The following CES2 variants were observed in gnomAD, a reference collection of about 807,000 sequenced individuals.
CES2 encodes carboxylesterase 2, also known as cocaine esterase.
A neutral mutation model predicts 52.1 loss-of-function variants in CES2; 42 were observed. The ratio of observed to expected loss-of-function variants is 0.81; its 90% CI spans 0.63 to 1.04. The LOEUF (loss-of-function observed/expected upper bound fraction) is 1.04. CES2 is among the 50% of genes least tolerant of loss of function. The pLI is 0.00. For missense variants in CES2, 656 were observed against 724.3 expected, an observed-to-expected ratio of 0.91 and a Z score of 1.08; for synonymous variants, 277 against 289.6, an observed-to-expected ratio of 0.96 and a Z score of 0.44.
Position 66,940,706 on chromosome 16 carries a change from T to C in CES2, c.816+11T>C. Reference sequence around the variant, plus strand: ...GATGTCATCTCCACGGTGAGTGCCCTCAGCTGAAGAGGCCTAGGCCTGCTC... The same window carrying C: ...GATGTCATCTCCACGGTGAGTGCCCCCAGCTGAAGAGGCCTAGGCCTGCTC... On this transcript the variant is annotated intron_variant, in intron 5 of 11. Transcript: ENST00000317091. The C allele has an allele frequency of 6.2e-7, 1 of 1,613,346 alleles. No homozygotes were observed. The highest frequency in any genetic ancestry group is 8.5e-7 in the Non-Finnish European group (1 of 1,179,750).
rs1297576409 is a variant in CES2 at position 66,939,205 on chromosome 16, C to T, written c.282-12C>T. The T allele has an allele frequency of 2.5e-6, 4 of 1,612,200 alleles. No homozygotes were observed. The African/African-American group carries it at 5.4e-5, about 22-fold the overall frequency. ...CCTGGCCCCTGGACTGATTATTTGC[C>T]CTGGTTACCAGGTGTCTACAGGACC... is the stretch of plus-strand genomic sequence containing the variant. On this transcript the variant is annotated splice_polypyrimidine_tract_variant and intron_variant, in intron 2 of 11. Coordinates refer to ENST00000317091, the MANE Select transcript of CES2 (RefSeq NM_001365405.1).
rs1199250910 is a variant in CES2 at position 66,936,653 on chromosome 16, T to C, written c.76+942T>C. On this transcript the variant is annotated intron_variant, in intron 1 of 11. Transcript: ENST00000317091. ...CCTGCCAGGCTTCTCCAGGCCCTTA[T>C]CAGAAGCTGGGGGAGTGTTTCGGCC... is the stretch of plus-strand genomic sequence containing the variant. Among the ~76,000 whole-genome samples, 3 of 152,148 alleles carry C rather than the reference T, an allele frequency of 2.0e-5. No homozygotes were observed. The East Asian group carries it at 5.8e-4, about 29-fold the overall frequency.
At chr16:66,936,853 GGAAGA>G (rs1314965971) in intron 1 of CES2, among the ~76,000 whole-genome samples, 4 of 152,060 alleles carry the variant, frequency 2.6e-5, no homozygotes, top group Non-Finnish European at 5.9e-5. Flanking sequence ...GAGCCCAGCA[GGAAGA>G]TCTGCCTGGC....
intron 3 of CES2, among the ~76,000 whole-genome samples, chr16:66,939,904 T>A (rs1396134890): frequency 6.6e-6 from 1 of 152,214 alleles, no homozygotes; most frequent in Non-Finnish European, 1.5e-5. Context: ...GGGGTCTCAC[T>A]ATGTGGTTCA....
chr16:66,935,237 G>A (rs572582996), upstream of CES2: 67 of 544,972 alleles, frequency 1.2e-4, no homozygotes, highest in African/African-American at 1.2e-3. Flanking sequence ...CCCTCCTGGG[G>A]TCTCCAATTC....
In CES2 at chr16:66,941,809, G is replaced by A. The variant is rs140590822; in HGVS notation, c.1098G>A (p.Glu366=). The A allele has an allele frequency of 1.8e-3, 2,903 of 1,614,140 alleles. 4 individuals are homozygous for A. The highest frequency in any genetic ancestry group is 2.2e-3 in the Non-Finnish European group (2,651 of 1,180,000). The change falls in exon 8 of 12, where the codon GAG becomes GAA. Residue 366 remains glutamate (E), a synonymous_variant. Transcript: ENST00000317091. ...ATACCCAGAAGGAAATGGACAGAGA[G>A]GCCTCCCAGGCTGCTCTGCAGAAAA... ...IYDTQKEMDR[E]ASQAALQKML...
intron 2 of CES2, 89 bp from the exon 3 acceptor site, chr16:66,939,128 T>A: frequency 9.0e-7 from 1 of 1,111,086 alleles, no homozygotes; most frequent in Non-Finnish European, 1.4e-6. Flanking sequence ...GTGGGAAGGG[T>A]CTGAGGGTGG....
intron 3 of CES2, 75 bp from the exon 4 acceptor site, chr16:66,940,147 G>A: frequency 1.3e-6 from 2 of 1,580,110 alleles, no homozygotes; most frequent in South Asian, 1.2e-5. Context: ...GCAAAGCACT[G>A]GTTGGTCTAG....
chr16:66,937,267 A>G (rs2145499611), intron 1 of CES2, among the ~76,000 whole-genome samples: 1 of 152,288 alleles, frequency 6.6e-6, no homozygotes, highest in Admixed American at 6.5e-5. Context: ...GATGTGTGCC[A>G]TCCTCTTTTT....
At position 66,943,204 on chromosome 16, in the gene CES2, TGGGGACCGAGGTCTC is replaced by T; in HGVS notation, c.1421-90_1421-76del. On this transcript the variant is annotated intron_variant, in intron 10 of 11. Coordinates refer to ENST00000317091, the MANE Select transcript of CES2 (RefSeq NM_001365405.1). This position sits in a 1 kb window ranked among gnomAD's most constrained non-coding sequence, Gnocchi z 4.2. ...GGAAGAAAAAGCGGAGAAGCAGGAC[TGGGGACCGAGGTCTC>T]GGGGGCCAAGGACGAGCTCCACCTG... 3 of 1,272,098 alleles carry T rather than the reference TGGGGACCGAGGTCTC, an allele frequency of 2.4e-6. No individual in the cohort carries two copies. The highest frequency in any genetic ancestry group is 3.4e-6 in the Non-Finnish European group (3 of 894,314). The allele number at this position is 1,272,098 out of a possible 1,614,324, so 78.8% of individuals were successfully genotyped here. A position where few individuals can be genotyped will look rare whatever the true frequency, so the allele number is the denominator to read the frequency against.
rs372243961 is a variant in CES2, at chr16:66,944,066, C to G, written c.*41C>G. The G allele has an allele frequency of 2.5e-6, 3 of 1,181,316 alleles. No individual in the cohort carries two copies. The highest frequency in any genetic ancestry group is 3.1e-5 in the African/African-American group (2 of 65,160). 73.2% of individuals were successfully genotyped at this position (1,181,316 alleles called of 1,614,324 possible). On this transcript the variant is annotated 3_prime_UTR_variant, in exon 12 of 12. Transcript: ENST00000317091. ...AGGAGGGGGTGGGTTCGCTGACAGG[C>G]GAGGGTCAGCCTGCTGTGCCCACAC...
chr16:66,937,614 A>T (rs900958339), intron 1 of CES2, among the ~76,000 whole-genome samples: 2 of 152,044 alleles, frequency 1.3e-5, no homozygotes, highest in Non-Finnish European at 2.9e-5. Context: ...ACCTCTTTTC[A>T]CCAACATCAC....
At chr16:66,936,735 C>G (rs532820079) in intron 1 of CES2, among the ~76,000 whole-genome samples, 75 of 152,194 alleles carry the variant, frequency 4.9e-4, no homozygotes, top group Non-Finnish European at 9.6e-4. Flanking sequence ...TCCAACCCTT[C>G]CCCAATTTAA....
chr16:66,939,742 C>G (rs1204796968), intron 3 of CES2, among the ~76,000 whole-genome samples: 1 of 152,262 alleles, frequency 6.6e-6, no homozygotes, highest in Non-Finnish European at 1.5e-5. Context: ...GCATCATGCT[C>G]TGTTGCCCAG....
Position 66,943,535 on chromosome 16 carries a change from G to C in CES2, c.1493+164G>C. ...ACTCAGACAGGGTGGGGGTGCGTGG[G>C]GCAGTGGACACGCTCTATCTCTCCA... On this transcript the variant is annotated intron_variant, in intron 11 of 11. Transcript: ENST00000317091. The surrounding 1 kb of genome is among the most constrained non-coding windows in gnomAD (Gnocchi z 4.2). 1 of 702,268 alleles carries C rather than the reference G, an allele frequency of 1.4e-6. No individual in the cohort carries two copies. Among genetic ancestry groups the C allele is most frequent in the African/African-American group, 1.8e-5 (1 of 56,500 alleles). The allele number at this position is 702,268 out of a possible 1,614,324, so 43.5% of individuals were successfully genotyped here.
rs761144534 is a variant in CES2, at chr16:66,943,863, A to G, written c.1518A>G (p.Pro506=). 6.2e-7 allele frequency: 1 copy of G among 1,603,650 alleles called. No homozygotes were observed. Among genetic ancestry groups the G allele is most frequent in the Non-Finnish European group, 8.5e-7 (1 of 1,172,862 alleles). ...RNGNPNGEGL[P]HWPLFDQEEQ... ...GGAACCCCAATGGCGAGGGTCTGCCACACTGGCCGCTGTTCGACCAGGAGG... is the reference window on the plus strand; with the variant it reads ...GGAACCCCAATGGCGAGGGTCTGCCGCACTGGCCGCTGTTCGACCAGGAGG... Residue 506 remains proline, a synonymous_variant, in exon 12 of 12, where the codon CCA becomes CCG. Coordinates refer to ENST00000317091, the MANE Select transcript of CES2 (RefSeq NM_001365405.1). This position sits in a 1 kb window ranked among gnomAD's most constrained non-coding sequence, Gnocchi z 4.2.
rs771292421 is a variant in CES2 at position 66,938,115 on chromosome 16, A to G, written c.155A>G (p.Asn52Ser). The G allele has an allele frequency of 2.5e-6, 4 of 1,614,020 alleles. No homozygotes were observed. Among genetic ancestry groups the G allele is most frequent in the Non-Finnish European group, 3.4e-6 (4 of 1,180,028 alleles). The change falls in exon 2 of 12, where the codon AAT becomes AGT. Residue 52 changes from asparagine (N) to serine (S), a missense_variant. Coordinates refer to ENST00000317091, the MANE Select transcript of CES2 (RefSeq NM_001365405.1). ...AGTCTTGTCCATGTGAAGGGCGCCA[A>G]TGCCGGGGTCCAAACCTTCCTGGGA... ...LGSLVHVKGA[N>S]AGVQTFLGIP...
At chr16:66,939,701 G>A (rs989818284) in intron 3 of CES2, among the ~76,000 whole-genome samples, 7 of 152,224 alleles carry the variant, frequency 4.6e-5, no homozygotes, top group African/African-American at 1.4e-4. Context: ...TATAGAATGG[G>A]CACACACAAA....
rs1384682225 is a variant in CES2 at position 66,944,940 on chromosome 16, CCTT to C, written c.*918_*920del. The C allele has an allele frequency of 6.6e-6, 1 of 152,442 alleles. No individual in the cohort carries two copies. The highest frequency in any genetic ancestry group is 2.4e-5 in the African/African-American group (1 of 41,438). 9.4% of individuals were successfully genotyped at this position (152,442 alleles called of 1,614,324 possible). A position where few individuals can be genotyped will look rare whatever the true frequency, so the allele number is the denominator to read the frequency against. ...CCCCCTCCTCCCTTCCTCACCTCCA[CCTT>C]CTCCCTGCCTTCTCTCTTCTCTCGT... On this transcript the variant is annotated 3_prime_UTR_variant, in exon 12 of 12. Transcript: ENST00000317091.
Sources: gnomAD v4.1 joint callset for allele counts (sites outside exome capture counted in the v4.1 genomes callset) on GRCh38, gnomAD v4.1.1 for gene constraint, Gnocchi (gnomAD v3.1) non-coding constraint, MANE v1.5 for transcripts, NCBI Gene and HGNC (gene_info 2026-07-23, HGNC 2026-07-21) for gene names.